EIF3E: variants seen among roughly 807,000 people sequenced by gnomAD.
EIF3E encodes eIF-3 p48.
Under a neutral mutation model 59.3 loss-of-function variants are expected in EIF3E, and 25 were observed. The observed-to-expected ratio is 0.42, with a 90% CI of 0.31 to 0.59. The LOEUF (loss-of-function observed/expected upper bound fraction) is 0.59. Among genes scored for constraint, EIF3E ranks in the 20% least tolerant of loss-of-function variants. The probability of loss-of-function intolerance (pLI) is 0.15; values close to 1 mark genes in which losing one functional copy is unlikely to be tolerated. For missense variants in EIF3E, 317 were observed against 534.3 expected (o/e 0.59, Z 4.01); for synonymous variants, 176 against 170.2 (o/e 1.03, Z -0.26).
intron 10 of EIF3E, among the ~76,000 whole-genome samples, chr8:108,210,888 T>G (rs1815196023): frequency 6.6e-6 from 1 of 152,096 alleles, no homozygotes; most frequent in Non-Finnish European, 1.5e-5. Context: ...AGAATGATGG[T>G]TTCTAGCTTC....
chr8:108,242,257 C>G, intron 1 of EIF3E: 1 of 1,293,448 alleles, frequency 7.7e-7, no homozygotes. Flanking sequence ...GCCATCTTTC[C>G]TGTAAAGCAC....
chr8:108,229,652 A>G (rs530565185), intron 5 of EIF3E, among the ~76,000 whole-genome samples: 1 of 152,292 alleles, frequency 6.6e-6, no homozygotes, highest in African/African-American at 2.4e-5. Flanking sequence ...CCAAATTATG[A>G]CACAAATGGA....
chr8:108,238,985 G>A (rs968932421), intron 3 of EIF3E, among the ~76,000 whole-genome samples: 14 of 152,090 alleles, frequency 9.2e-5, no homozygotes, highest in Non-Finnish European at 1.9e-4. Flanking sequence ...CTTTGGAAAC[G>A]AAACAGTAAC....
chr8:108,246,245 G>A (rs1239644045), intron 1 of EIF3E, among the ~76,000 whole-genome samples: 1 of 141,634 alleles, frequency 7.1e-6, no homozygotes, highest in Non-Finnish European at 1.5e-5. Context: ...TGGACCATGA[G>A]TAACTGGAAC....
At chr8:108,246,180 G>A (rs550206558) in intron 1 of EIF3E, among the ~76,000 whole-genome samples, 368 of 149,028 alleles carry the variant, frequency 2.5e-3, no homozygotes, top group Non-Finnish European at 4.4e-3. Flanking sequence ...CCAGAAGGGC[G>A]AACAATTTAA....
At chr8:108,237,815 T>A (rs1403302475) in intron 3 of EIF3E, among the ~76,000 whole-genome samples, 4 of 152,224 alleles carry the variant, frequency 2.6e-5, no homozygotes, top group Non-Finnish European at 5.9e-5. Context: ...ACGTATATAA[T>A]CACTGTCCTC....
chr8:108,208,592 G>T (rs929685145), intron 10 of EIF3E, among the ~76,000 whole-genome samples: 1 of 151,694 alleles, frequency 6.6e-6, no homozygotes, highest in Non-Finnish European at 1.5e-5. Flanking sequence ...GAAACTGTTT[G>T]TCTCCATACA....
intron 10 of EIF3E, among the ~76,000 whole-genome samples, chr8:108,208,756 G>A (rs1023488765): frequency 6.6e-6 from 1 of 152,034 alleles, no homozygotes; most frequent in Non-Finnish European, 1.5e-5. Flanking sequence ...GCTCCAACAT[G>A]TTTATCATAC....
At chr8:108,202,942 T>C (rs768200063) in intron 12 of EIF3E, 41 bp downstream of exon 12, 17 of 1,574,452 alleles carry the variant, frequency 1.1e-5, no homozygotes, top group Non-Finnish European at 1.4e-5. Context: ...AATTACATGG[T>C]TGCTAAACCC....
At chr8:108,204,746 T>TATATATAGAGAG (rs1354950271) in intron 10 of EIF3E, among the ~76,000 whole-genome samples, 11 of 113,674 alleles carry the variant, frequency 9.7e-5, no homozygotes, top group East Asian at 5.8e-4. Flanking sequence ...TATATATATA[T>TATATATAGAGAG]AGAGAGAGAG....
chr8:108,246,570 GGAC>G (rs1440114098), intron 1 of EIF3E, among the ~76,000 whole-genome samples: 1 of 151,972 alleles, frequency 6.6e-6, no homozygotes, highest in Non-Finnish European at 1.5e-5. Flanking sequence ...ATTAACCCTT[GGAC>G]GACAAGGGTT....
chr8:108,246,978 T>C (rs1364635838), intron 1 of EIF3E, among the ~76,000 whole-genome samples: 1 of 152,200 alleles, frequency 6.6e-6, no homozygotes, highest in African/African-American at 2.4e-5. Flanking sequence ...TAACGGATTT[T>C]TGACTGCGAG....
chr8:108,208,585 A>G (rs1336962162), intron 10 of EIF3E, among the ~76,000 whole-genome samples: 2 of 151,618 alleles, frequency 1.3e-5, no homozygotes, highest in Non-Finnish European at 3.0e-5. Flanking sequence ...GGCCTTTGAA[A>G]CTGTTTGTCT....
At chr8:108,213,711 G>T (rs111705977) in intron 10 of EIF3E, among the ~76,000 whole-genome samples, 2 of 152,232 alleles carry the variant, frequency 1.3e-5, no homozygotes, top group South Asian at 4.1e-4. Context: ...CATGTAATTT[G>T]TAAGAGAATC....
intron 10 of EIF3E, among the ~76,000 whole-genome samples, chr8:108,206,594 A>G (rs676907): frequency 0.11 from 4,875 of 42,758 alleles, 240 homozygotes; most frequent in African/African-American, 0.33. Context: ...GCACATGTGC[A>G]CACACACACA....
chr8:108,228,055 T>A, intron 7 of EIF3E: 1 of 394,518 alleles, frequency 2.5e-6, no homozygotes, highest in East Asian at 4.4e-5. Context: ...ACACTTTAAA[T>A]AGCACTTTAA....
chr8:108,215,222 G>A (rs1314414638), intron 9 of EIF3E, among the ~76,000 whole-genome samples: 1 of 151,894 alleles, frequency 6.6e-6, no homozygotes, highest in Non-Finnish European at 1.5e-5. Context: ...TTAGCATAAT[G>A]AATATACGCC....
At chr8:108,223,375 G>C (rs1815456147) in intron 7 of EIF3E, among the ~76,000 whole-genome samples, 2 of 152,164 alleles carry the variant, frequency 1.3e-5, no homozygotes, top group Admixed American at 6.5e-5. Context: ...AGGTCATCCT[G>C]AGTGAGCTAA....
rs940123557 is a variant in EIF3E, at chr8:108,206,807, TA to T, written c.1062-3305del. Among the ~76,000 whole-genome samples the T allele has an allele frequency of 2.0e-5, 3 of 151,726 alleles. No individual in the cohort carries two copies. The South Asian group carries it at 6.2e-4, about 32-fold the overall frequency. ...GACAGAACAAGATCCTGTGTCTTTA[TA>T]AAAAAAAATTCCATCTTATGTAATA... On this transcript the variant is annotated intron_variant, in intron 10 of 12. Coordinates refer to ENST00000220849, the MANE Select transcript of EIF3E (RefSeq NM_001568.3).
Sources: gnomAD v4.1 joint callset for allele counts (sites outside exome capture counted in the v4.1 genomes callset) on GRCh38, gnomAD v4.1.1 for gene constraint, MANE v1.5 for transcripts, NCBI Gene and HGNC (gene_info 2026-07-23, HGNC 2026-07-21) for gene names.